The following LRRD1 variants were observed in gnomAD, a reference collection of about 807,000 sequenced individuals.
LRRD1 encodes the protein leucine-rich repeat and death domain-containing protein 1.
A neutral mutation model predicts 69.5 loss-of-function variants in LRRD1; 49 were observed. The observed-to-expected ratio is 0.70, with a 90% CI of 0.56 to 0.89. The LOEUF is 0.89. Among genes scored for constraint, LRRD1 ranks in the 40% least tolerant of loss-of-function variants. The pLI is 0.00. For synonymous variants in LRRD1, 303 were observed against 338.9 expected (o/e 0.89, Z 1.16); for missense variants, 853 against 956.0 (o/e 0.89, Z 1.42).
chr7:92,157,537 CTCCTTCCT>C (rs34688200), intron 3 of LRRD1, among the ~76,000 whole-genome samples: 1 of 149,322 alleles, frequency 6.7e-6, no homozygotes, highest in Non-Finnish European at 1.5e-5. Context: ...GGCATTGTTT[CTCCTTCCT>C]TCCTTCCTTC....
intron 1 of LRRD1, among the ~76,000 whole-genome samples, chr7:92,165,784 C>A (rs1788893894): frequency 2.0e-5 from 3 of 148,720 alleles, no homozygotes; most frequent in African/African-American, 5.0e-5. Context: ...TTGCTTGAAC[C>A]CGGGAGGCAG....
At chr7:92,174,509 A>ATT (rs35052440) in intron 1 of LRRD1, among the ~76,000 whole-genome samples, 12 of 12,868 alleles carry the variant, frequency 9.3e-4, no homozygotes, top group African/African-American at 1.7e-3. Context: ...ATATATATAT[A>ATT]TTTTTTTTTT....
intron 2 of LRRD1, 45 bp downstream of exon 2, chr7:92,163,241 T>C (rs1788825435): frequency 1.6e-6 from 2 of 1,229,552 alleles, no homozygotes; most frequent in Non-Finnish European, 2.2e-6. Context: ...TCTGATCCTC[T>C]CCAGTCTCTC....
chr7:92,168,785 T>C (rs1033978793), intron 1 of LRRD1, among the ~76,000 whole-genome samples: 5 of 152,024 alleles, frequency 3.3e-5, no homozygotes, highest in African/African-American at 1.2e-4. Context: ...TCAATGTACA[T>C]ATGTACATCC....
chr7:92,159,142 T>C lies in LRRD1; in HGVS notation c.1979A>G (p.Asn660Ser), dbSNP rs1465196214. ...MTQLKELDIS[N>S]NAIREIPRNI... is the part of the protein sequence containing the mutation. Reference sequence around the variant, plus strand: ...TCTTGGAATCTCTCTGATTGCATTATTTGAGATATCAAGTTCTTTAAGTTG... The same window carrying C: ...TCTTGGAATCTCTCTGATTGCATTACTTGAGATATCAAGTTCTTTAAGTTG... Residue 660 changes from asparagine to serine, a missense_variant, in exon 3 of 6, where the codon AAT (asparagine) becomes AGT (serine). Asn to Ser is a conservative substitution (Grantham distance 46). Coordinates refer to ENST00000458448, the MANE Select transcript of LRRD1 (RefSeq NM_001161528.2). 5 of 1,546,378 alleles carry C rather than the reference T, an allele frequency of 3.2e-6. No homozygotes were observed. The highest frequency in any genetic ancestry group is 3.5e-6 in the Non-Finnish European group (4 of 1,145,340).
chr7:92,159,957 T>C (rs77470766), intron 2 of LRRD1, among the ~76,000 whole-genome samples: 2,305 of 152,276 alleles, frequency 0.015, 54 homozygotes, highest in African/African-American at 0.052. Context: ...TGCGTTTTTT[T>C]AGATTTTCTA....
rs1416529552 is a variant in LRRD1, at chr7:92,165,243, CTT to C, written c.-43_-42del. On this transcript the variant is annotated 5_prime_UTR_variant, in exon 2 of 6. An upstream open reading frame in the 5' UTR loses its in-frame stop. Coordinates refer to ENST00000458448, the MANE Select transcript of LRRD1 (RefSeq NM_001161528.2). Reference sequence around the variant, plus strand: ...GTTTTATGCCAATACAAAATTGTAACTTGATTTTAATTTTCATGTTTTTTCCT... The same window carrying C: ...GTTTTATGCCAATACAAAATTGTAACGATTTTAATTTTCATGTTTTTTCCT... The C allele has an allele frequency of 3.9e-5, 46 of 1,183,894 alleles. No individual in the cohort carries two copies. Among genetic ancestry groups the C allele is most frequent in the Non-Finnish European group, 5.1e-5 (46 of 901,640 alleles). The allele number at this position is 1,183,894 out of a possible 1,614,324, so 73.3% of individuals were successfully genotyped here.
At chr7:92,176,467 C>A (rs535589933) in intron 1 of LRRD1, among the ~76,000 whole-genome samples, 6 of 152,032 alleles carry the variant, frequency 3.9e-5, no homozygotes, top group Non-Finnish European at 8.8e-5. Context: ...CATTTTTTAA[C>A]CCCTTTAGTA....
At chr7:92,167,886 A>T (rs1260082902) in intron 1 of LRRD1, among the ~76,000 whole-genome samples, 1 of 141,702 alleles carries the variant, frequency 7.1e-6, no homozygotes, top group African/African-American at 2.7e-5. Context: ...CAAAAAAAAA[A>T]AAAAAAAAAA....
intron 1 of LRRD1, among the ~76,000 whole-genome samples, chr7:92,169,063 C>A (rs1788989583): frequency 6.6e-6 from 1 of 152,104 alleles, no homozygotes. Flanking sequence ...GGATTACAGG[C>A]ATGCACCACC....
Position 92,169,645 on chromosome 7 carries a change from G to A in LRRD1, c.-74-4369C>T, listed in dbSNP as rs372152613. Among the ~76,000 whole-genome samples, 13 of 151,950 alleles carry A rather than the reference G, an allele frequency of 8.6e-5. 1 individual carries two copies. Among genetic ancestry groups the A allele is most frequent in the African/African-American group, 1.9e-4 (8 of 41,484 alleles). On this transcript the variant is annotated intron_variant, in intron 1 of 5. Coordinates refer to ENST00000458448, the MANE Select transcript of LRRD1 (RefSeq NM_001161528.2). ...AGCTTGGGCGACAGAGAGAGATTTC[G>A]TCTCAAAAAAAGAAATTTTGGAACT...
chr7:92,164,126 A>T lies in LRRD1; in HGVS notation c.1077T>A (p.Asn359Lys), dbSNP rs1177624247. The change falls in exon 2 of 6, where the codon AAT (asparagine) becomes AAA (lysine). Residue 359 changes from asparagine (N) to lysine (K), a missense_variant. By Grantham distance (94) the Asn-to-Lys change is moderately conservative. Transcript: ENST00000458448. Reference protein sequence around the residue: ...LKIKELQLADNKLEVISHKIE... With the variant: ...LKIKELQLADKKLEVISHKIE... ...TTTTGTGTGAAATAACTTCCAATTTATTGTCGGCCAGTTGGAGTTCTTTTA... is the reference window on the plus strand; with the variant it reads ...TTTTGTGTGAAATAACTTCCAATTTTTTGTCGGCCAGTTGGAGTTCTTTTA... The T allele has an allele frequency of 1.9e-6, 3 of 1,549,972 alleles. No homozygotes were observed. The East Asian group carries it at 7.4e-5, about 38-fold the overall frequency.
In LRRD1 at chr7:92,169,750, G is replaced by A. The variant is rs74715752; in HGVS notation, c.-74-4474C>T. On this transcript the variant is annotated intron_variant, in intron 1 of 5. Coordinates refer to ENST00000458448, the MANE Select transcript of LRRD1 (RefSeq NM_001161528.2). ...AGATCAAGCAGAGGAAAGAATAAGT[G>A]AGCTCAAAGACAGGCCATTTGAAAA... Among the ~76,000 whole-genome samples, 368 of 151,990 alleles carry A rather than the reference G, an allele frequency of 2.4e-3. 8 individuals are homozygous for A. In the East Asian group the frequency reaches 0.065, roughly 27 times the overall value.
intron 1 of LRRD1, among the ~76,000 whole-genome samples, chr7:92,178,138 C>G (rs1265690997): frequency 6.6e-6 from 1 of 152,024 alleles, no homozygotes; most frequent in Non-Finnish European, 1.5e-5. Context: ...ACGGTGAAAC[C>G]CCGTCTGTAC....
intron 1 of LRRD1, among the ~76,000 whole-genome samples, chr7:92,170,798 C>T (rs1395110650): frequency 6.6e-6 from 1 of 152,126 alleles, no homozygotes; most frequent in Non-Finnish European, 1.5e-5. Flanking sequence ...TATCTTAGGA[C>T]ACAAAACTGG....
rs1238922811 is a variant in LRRD1, at chr7:92,163,991, A to T, written c.1212T>A (p.Asp404Glu). The T allele has an allele frequency of 1.3e-6, 2 of 1,529,942 alleles. No homozygotes were observed. Among genetic ancestry groups the T allele is most frequent in the Admixed American group, 2.2e-5 (1 of 45,020 alleles). 94.8% of individuals were successfully genotyped at this position (1,529,942 alleles called of 1,614,324 possible). A position where few individuals can be genotyped will look rare whatever the true frequency, so the allele number is the denominator to read the frequency against. ...CAMLECLSLSDNKLTELPKYI... is the reference protein window; with the variant it reads ...CAMLECLSLSENKLTELPKYI... ...ACTTAGGGAGTTCTGTTAATTTATT[A>T]TCACTAAGACTAAGGCATTCCAACA... The change falls in exon 2 of 6, where the codon GAT (aspartate) becomes GAA (glutamate). Residue 404 changes from aspartate (D) to glutamate (E), a missense_variant. This residue lies in a region of LRRD1 where 739 missense variants were observed against 808.0 expected (regional missense o/e 0.91). Transcript: ENST00000458448.
downstream of LRRD1, among the ~76,000 whole-genome samples, chr7:92,144,628 C>CAAAAAAAAAAAAAAAAAAAAAAA (rs61338977): frequency 1.2e-5 from 1 of 85,862 alleles, no homozygotes; most frequent in Non-Finnish European, 2.4e-5. Flanking sequence ...AACTCCATCT[C>CAAAAAAAAAAAAAAAAAAAAAAA]AAAAAAAAAA....
chr7:92,170,110 GAGGAAGGAAGGA>G (rs912476908), intron 1 of LRRD1, among the ~76,000 whole-genome samples: 3 of 149,192 alleles, frequency 2.0e-5, no homozygotes, highest in South Asian at 2.1e-4. Flanking sequence ...GAGAGAGAGA[GAGGAAGGAAGGA>G]AGGAAGGGAG....
At chr7:92,149,702 T>C (rs1820417567) in intron 4 of LRRD1, among the ~76,000 whole-genome samples, 1 of 150,600 alleles carries the variant, frequency 6.6e-6, no homozygotes, top group African/African-American at 2.4e-5. Flanking sequence ...GAATGTATTT[T>C]ATTTATTTAT....
Sources: gnomAD v4.1 joint callset for allele counts (sites outside exome capture counted in the v4.1 genomes callset) on GRCh38, gnomAD v4.1.1 for gene constraint, gnomAD v4.1.1 regional missense constraint, MANE v1.5 for transcripts, NCBI Gene and HGNC (gene_info 2026-07-23, HGNC 2026-07-21) for gene names.